The following SLC38A6 variants were observed in gnomAD, a reference collection of about 807,000 sequenced individuals.
The protein encoded by SLC38A6 is solute carrier family 38 member 6.
Under a neutral mutation model 65.0 loss-of-function variants are expected in SLC38A6, and 73 were observed. The ratio of observed to expected loss-of-function variants is 1.12; its 90% confidence interval spans 0.93 to 1.37. SLC38A6 has a LOEUF of 1.37. Among genes scored for constraint, SLC38A6 ranks in the 40% most tolerant of loss-of-function variants. The pLI is 0.00. For missense variants in SLC38A6, 561 were observed against 531.1 expected (o/e 1.06, Z -0.55); for synonymous variants, 183 against 178.8 (o/e 1.02, Z -0.19).
intron 3 of SLC38A6, among the ~76,000 whole-genome samples, chr14:60,997,389 C>T (rs969574314): frequency 2.0e-5 from 3 of 152,052 alleles, no homozygotes; most frequent in South Asian, 2.1e-4. Flanking sequence ...TAAGCTCCAG[C>T]GATTTGCCCA....
intron 6 of SLC38A6, among the ~76,000 whole-genome samples, chr14:61,036,102 CTATTA>C (rs1304103618): frequency 6.6e-6 from 1 of 151,520 alleles, no homozygotes; most frequent in African/African-American, 2.4e-5. Context: ...GAAAAATGAC[CTATTA>C]TTTTACCACC....
intron 15 of SLC38A6, among the ~76,000 whole-genome samples, chr14:61,068,292 C>G (rs774701530): frequency 6.6e-6 from 1 of 152,184 alleles, no homozygotes; most frequent in Non-Finnish European, 1.5e-5. Context: ...TACCTACAGT[C>G]CACTTTCATA....
downstream of SLC38A6, among the ~76,000 whole-genome samples, chr14:61,053,475 C>T (rs112565362): frequency 2.0e-5 from 3 of 152,226 alleles, no homozygotes; most frequent in African/African-American, 7.2e-5. Flanking sequence ...AGTGCTTCCA[C>T]GATTGTTGAA....
chr14:61,043,242 T>C, intron 9 of SLC38A6, 30 bp downstream of exon 9: 1 of 1,351,610 alleles, frequency 7.4e-7, no homozygotes, highest in Non-Finnish European at 1.0e-6. Flanking sequence ...TTTCAGTTTC[T>C]TCCTTTTTAT....
rs1247776047 is a variant in SLC38A6, at chr14:61,052,470, T to A, written c.*41T>A. 2.0e-6 allele frequency: 3 copies of A among 1,525,770 alleles called. No individual in the cohort carries two copies. In the African/African-American group the frequency reaches 4.3e-5, roughly 22 times the overall value. 94.5% of individuals were successfully genotyped at this position (1,525,770 alleles called of 1,614,324 possible). On this transcript the variant is annotated 3_prime_UTR_variant, in exon 16 of 16. Transcript: ENST00000267488. ...ACTTCTTACAAGAATAATATACCCC[T>A]AGTTGCAAGAATGAATTATTCCGGA...
intron 5 of SLC38A6, among the ~76,000 whole-genome samples, chr14:61,029,946 A>G (rs1297406694): frequency 3.3e-5 from 5 of 152,152 alleles, no homozygotes. Flanking sequence ...GAGAGAGGAA[A>G]AGAAAGGGAC....
intron 12 of SLC38A6, among the ~76,000 whole-genome samples, chr14:61,050,123 A>G (rs1594750634): frequency 6.6e-6 from 1 of 152,178 alleles, no homozygotes. Context: ...TAGGCAAATC[A>G]TTTAACACTT....
chr14:61,007,126 G>C (rs1164388084), intron 3 of SLC38A6, among the ~76,000 whole-genome samples: 1 of 152,090 alleles, frequency 6.6e-6, no homozygotes, highest in African/African-American at 2.4e-5. Context: ...TGAACAATGA[G>C]AACACATGGA....
chr14:61,075,711 G>A (rs986225434), intron 15 of SLC38A6, among the ~76,000 whole-genome samples: 2 of 150,876 alleles, frequency 1.3e-5, no homozygotes, highest in Admixed American at 1.3e-4. Flanking sequence ...ATCTTGCTAG[G>A]TTCTCTGTAA....
intron 8 of SLC38A6, among the ~76,000 whole-genome samples, chr14:61,038,835 C>T (rs2041584090): frequency 6.6e-6 from 1 of 152,168 alleles, no homozygotes; most frequent in African/African-American, 2.4e-5. Flanking sequence ...AATCATTCCT[C>T]TTCTTCTCTC....
chr14:61,032,443 A>AT (rs1026639398), intron 6 of SLC38A6, among the ~76,000 whole-genome samples: 1 of 151,948 alleles, frequency 6.6e-6, no homozygotes, highest in East Asian at 1.9e-4. Context: ...TGTTGCATTG[A>AT]TTTTTTTGTT....
intron 15 of SLC38A6, 26 bp from the exon 16 acceptor site, chr14:61,052,323 T>G: frequency 6.5e-7 from 1 of 1,533,222 alleles, no homozygotes; most frequent in Non-Finnish European, 8.8e-7. Flanking sequence ...CTTTCTTATC[T>G]TTTATCTTTT....
chr14:60,985,453 C>A (rs1413730006), intron 3 of SLC38A6, among the ~76,000 whole-genome samples: 2 of 152,114 alleles, frequency 1.3e-5, no homozygotes, highest in African/African-American at 2.4e-5. Context: ...AAGTGCTTTT[C>A]TAAGATTTTC....
At chr14:61,011,426 G>A (rs1174975479) in intron 3 of SLC38A6, among the ~76,000 whole-genome samples, 1 of 152,004 alleles carries the variant, frequency 6.6e-6, no homozygotes, top group Non-Finnish European at 1.5e-5. Flanking sequence ...TGTTGAATAG[G>A]AGTGGTGAGA....
intron 15 of SLC38A6, among the ~76,000 whole-genome samples, chr14:61,061,595 C>A (rs7160614): frequency 0.98 from 149,949 of 152,310 alleles, 73,858 homozygotes; most frequent in East Asian, 1. Context: ...AGTTGCAATC[C>A]TATAGTATGT....
At chr14:61,040,084 G>A (rs1030216464) in intron 8 of SLC38A6, among the ~76,000 whole-genome samples, 8 of 151,510 alleles carry the variant, frequency 5.3e-5, no homozygotes, top group African/African-American at 1.2e-4. Context: ...GAGCACAAGC[G>A]GATTACCATT....
intron 13 of SLC38A6, 63 bp from the exon 14 acceptor site, chr14:61,051,724 C>G: frequency 6.3e-7 from 1 of 1,577,984 alleles, no homozygotes; most frequent in Non-Finnish European, 8.6e-7. Flanking sequence ...ATATGTTTCT[C>G]TCAGCAAATA....
At chr14:61,013,360 A>T (rs968456461) in intron 3 of SLC38A6, among the ~76,000 whole-genome samples, 1 of 152,124 alleles carries the variant, frequency 6.6e-6, no homozygotes, top group Admixed American at 6.5e-5. Flanking sequence ...TGTGTCTTTT[A>T]ATTGGAGTAT....
intron 3 of SLC38A6, among the ~76,000 whole-genome samples, chr14:61,010,746 C>G (rs1014407700): frequency 6.6e-6 from 1 of 152,130 alleles, no homozygotes. Context: ...GTATATATAT[C>G]TGTTTTGGTA....
Sources: gnomAD v4.1 joint callset for allele counts (sites outside exome capture counted in the v4.1 genomes callset) on GRCh38, gnomAD v4.1.1 for gene constraint, MANE v1.5 for transcripts, NCBI Gene and HGNC (gene_info 2026-07-23, HGNC 2026-07-21) for gene names.